The following PLEKHA6 variants were observed in gnomAD, a reference collection of about 807,000 sequenced individuals.
The protein encoded by PLEKHA6 is pleckstrin homology domain-containing family A member 6.
In PLEKHA6, 60 loss-of-function variants were observed where a neutral mutation model predicts 116.7. The ratio of observed to expected loss-of-function variants is 0.51; its 90% CI spans 0.42 to 0.64. The LOEUF is 0.64. PLEKHA6 is among the 30% of genes least tolerant of loss of function. The probability of loss-of-function intolerance (pLI) is 0.00; values close to 1 mark genes in which losing one functional copy is unlikely to be tolerated. For synonymous variants in PLEKHA6, 489 were observed against 556.1 expected, an observed-to-expected ratio of 0.88 and a Z score of 1.70; for missense variants, 1,338 against 1,422.7, an observed-to-expected ratio of 0.94 and a Z score of 0.96.
In PLEKHA6 at chr1:204,257,678, C is replaced by T. The variant is rs778843941; in HGVS notation, c.1199G>A (p.Gly400Asp). 2.9e-5 allele frequency: 46 copies of T among 1,610,202 alleles called. No individual in the cohort carries two copies. In the South Asian group the frequency reaches 3.4e-4, roughly 12 times the overall value. ...EDKRHAFRNG[G>D]GPAYQLREWK... ...CTCTCGCAGCTGGTAGGCAGGGCCA[C>T]CCCCATTGCGGAAGGCATGGCGCTT... The change falls in exon 9 of 23, where the codon GGT becomes GAT. Residue 400 changes from glycine (G) to aspartate (D), a missense_variant. Around this residue, in one of 3 missense-constraint regions of PLEKHA6, gnomAD observed 1,136 missense variants for 1,163.6 expected, o/e 0.98. Coordinates refer to ENST00000272203, the MANE Select transcript of PLEKHA6 (RefSeq NM_014935.5). This position sits in a 1 kb window ranked among gnomAD's most constrained non-coding sequence, Gnocchi z 6.5.
chr1:204,256,761 C>A (rs773111371), intron 9 of PLEKHA6: 2 of 555,480 alleles, frequency 3.6e-6, no homozygotes, highest in Middle Eastern at 2.6e-4. Flanking sequence ...GAGCACGGTG[C>A]GGGGAGGCCC....
At chr1:204,299,451 G>C (rs760388292) in intron 1 of PLEKHA6, 1 of 157,396 alleles carries the variant, frequency 6.4e-6, no homozygotes, top group African/African-American at 2.4e-5. Flanking sequence ...GGCAACAGAA[G>C]TGGGGTGTGT....
At chr1:204,292,798 G>A (rs1398387041) in intron 1 of PLEKHA6, among the ~76,000 whole-genome samples, 1 of 152,206 alleles carries the variant, frequency 6.6e-6, no homozygotes, top group Non-Finnish European at 1.5e-5. Context: ...AATGAGGGAT[G>A]CAAAGTCTAA....
At chr1:204,275,031 T>A in intron 1 of PLEKHA6, 2 of 715,562 alleles carry the variant, frequency 2.8e-6, no homozygotes, top group Non-Finnish European at 3.4e-6. Flanking sequence ...CTCCCACTAG[T>A]CAGTGCTAAC....
intron 1 of PLEKHA6, 58 bp downstream of exon 1, chr1:204,359,636 C>A: frequency 1.0e-6 from 1 of 985,452 alleles, no homozygotes; most frequent in Non-Finnish European, 1.2e-6. Context: ...CCAGCCCTGA[C>A]CAGAGCCCAG....
rs140541883 is a variant in PLEKHA6 at position 204,313,223 on chromosome 1, G to C, written c.-94-38414C>G. Among the ~76,000 whole-genome samples the C allele has an allele frequency of 2.6e-3, 390 of 152,094 alleles. 1 individual carries two copies. Among genetic ancestry groups the C allele is most frequent in the African/African-American group, 8.9e-3 (370 of 41,470 alleles). On this transcript the variant is annotated intron_variant, in intron 1 of 22. Transcript: ENST00000272203. ...TGGGACCAACTGTGCCCAGCCCTTA[G>C]CCCATTTCCAAAGCTCAGCTCCAAA...
intron 1 of PLEKHA6, chr1:204,297,318 G>A (rs568014309): frequency 1.2e-4 from 63 of 528,974 alleles, no homozygotes; most frequent in Non-Finnish European, 1.3e-4. Context: ...ACTAATCCTC[G>A]TCCCCCTTTA....
chr1:204,339,891 T>C (rs1177104201), intron 1 of PLEKHA6, among the ~76,000 whole-genome samples: 1 of 152,196 alleles, frequency 6.6e-6, no homozygotes, highest in Non-Finnish European at 1.5e-5. Context: ...ATTACAACTA[T>C]ATAAACACAG....
At chr1:204,341,217 G>T (rs1237966164) in intron 1 of PLEKHA6, among the ~76,000 whole-genome samples, 1 of 152,210 alleles carries the variant, frequency 6.6e-6, no homozygotes, top group African/African-American at 2.4e-5. Context: ...ATCTGGCCCA[G>T]TGGTTCTCAA....
chr1:204,224,347 C>CT (rs1261599779), intron 21 of PLEKHA6, among the ~76,000 whole-genome samples: 1 of 152,020 alleles, frequency 6.6e-6, no homozygotes, highest in Admixed American at 6.6e-5. Flanking sequence ...TCTCCAGACC[C>CT]TTATGCATCC....
At chr1:204,275,811 C>CT in intron 1 of PLEKHA6, 1 of 610,070 alleles carries the variant, frequency 1.6e-6, no homozygotes, top group Non-Finnish European at 2.1e-6. Flanking sequence ...AGTGGAGGGA[C>CT]TAGATGAGTT....
intron 7 of PLEKHA6, among the ~76,000 whole-genome samples, chr1:204,260,627 T>G (rs1328240073): frequency 6.6e-6 from 1 of 152,208 alleles, no homozygotes; most frequent in Admixed American, 6.5e-5. Context: ...GAAACATTGC[T>G]TGGTAAACAT....
intron 1 of PLEKHA6, among the ~76,000 whole-genome samples, chr1:204,283,952 A>T (rs758083871): frequency 3.3e-5 from 5 of 152,188 alleles, no homozygotes. Context: ...TTTGAGTTTG[A>T]TGGAGCAGCT....
At chr1:204,245,083 G>T in intron 14 of PLEKHA6, 80 bp from the exon 15 acceptor site, 1 of 1,015,120 alleles carries the variant, frequency 9.9e-7, no homozygotes, top group Non-Finnish European at 1.3e-6. Flanking sequence ...GAGTGGAGGT[G>T]GCAGGGAGAA....
Position 204,219,241 on chromosome 1 carries a change from GTA to G in PLEKHA6, c.*3545_*3546del, listed in dbSNP as rs138599445. Reference sequence around the variant, plus strand: ...TATACGTGTGTGTGTGTGTGTGTGTGTATATATATATATATATATAATGTGTG... The same window carrying G: ...TATACGTGTGTGTGTGTGTGTGTGTGTATATATATATATATATAATGTGTG... On this transcript the variant is annotated 3_prime_UTR_variant, in exon 23 of 23. Transcript: ENST00000272203. 14,655 of 142,686 alleles carry G rather than the reference GTA, an allele frequency of 0.1. 951 individuals carry two copies. Among genetic ancestry groups the G allele is most frequent in the African/African-American group, 0.2 (7,796 of 39,148 alleles). 8.8% of individuals were successfully genotyped at this position (142,686 alleles called of 1,614,324 possible).
chr1:204,297,034 T>C (rs948350114), intron 1 of PLEKHA6: 1 of 830,144 alleles, frequency 1.2e-6, no homozygotes, highest in Admixed American at 6.2e-5. Flanking sequence ...AGAGCCACCG[T>C]ACCCATCCCT....
At chr1:204,241,042 G>A in intron 17 of PLEKHA6, among the ~76,000 whole-genome samples, 1 of 152,114 alleles carries the variant, frequency 6.6e-6, no homozygotes, top group East Asian at 1.9e-4. Flanking sequence ...GGCTCTTCTT[G>A]CTCCTCAGCT....
At chr1:204,289,395 G>A (rs1208744401) in intron 1 of PLEKHA6, among the ~76,000 whole-genome samples, 1 of 152,114 alleles carries the variant, frequency 6.6e-6, no homozygotes, top group South Asian at 2.1e-4. Context: ...TTGCCAGCCC[G>A]GATTTAGTAG....
intron 1 of PLEKHA6, among the ~76,000 whole-genome samples, chr1:204,291,742 G>T (rs1350829658): frequency 6.6e-6 from 1 of 152,200 alleles, no homozygotes; most frequent in Non-Finnish European, 1.5e-5. Flanking sequence ...AATCTATAGT[G>T]ACAGAAAGCA....
Sources: allele counts gnomAD v4.1 joint callset (sites outside exome capture counted in the v4.1 genomes callset), GRCh38; gene constraint gnomAD v4.1.1; regional missense constraint gnomAD v4.1.1; non-coding constraint Gnocchi (gnomAD v3.1); transcripts MANE v1.5; gene names NCBI Gene and HGNC (gene_info 2026-07-23, HGNC 2026-07-21).